The following RFX2 variants were observed in gnomAD, a reference collection of about 807,000 sequenced individuals.
RFX2 encodes regulatory factor X2.
A neutral mutation model predicts 87.8 loss-of-function variants in RFX2; 20 were observed. The ratio of observed to expected loss-of-function variants is 0.23; its 90% CI spans 0.16 to 0.33. The LOEUF (loss-of-function observed/expected upper bound fraction) is 0.33, where lower values mean the gene tolerates loss of function less well. Among genes scored for constraint, RFX2 ranks in the 10% least tolerant of loss-of-function variants. The pLI is 1.00. For synonymous variants in RFX2, 397 were observed against 431.3 expected (o/e 0.92, Z 0.98); for missense variants, 767 against 1,012.3 (o/e 0.76, Z 3.29).
intron 17 of RFX2, 134 bp from the exon 18 acceptor site, chr19:5,995,084 C>A: frequency 1.4e-6 from 1 of 693,788 alleles, no homozygotes; most frequent in Non-Finnish European, 2.5e-6. Flanking sequence ...GTGGACCCCA[C>A]CTCGGCCTCT....
At chr19:6,067,947 T>C (rs1302634909) in intron 1 of RFX2, 1 of 152,126 alleles carries the variant, frequency 6.6e-6, no homozygotes, top group African/African-American at 2.4e-5. Context: ...CCAGGAGTCA[T>C]TCCTAGAATA....
rs1345261369 is a variant in RFX2 at position 6,083,545 on chromosome 19, C to G, written c.-9+26848G>C. On this transcript the variant is annotated intron_variant, in intron 1 of 17. Transcript: ENST00000303657. The surrounding 1 kb of genome is among the most constrained non-coding windows in gnomAD (Gnocchi z 4.6). ...TAGTGTGCTAGATGTAGTCTGCTGACCCGTTTTTTTTTTTTTTAATTTTTA... is the reference window on the plus strand; with the variant it reads ...TAGTGTGCTAGATGTAGTCTGCTGAGCCGTTTTTTTTTTTTTTAATTTTTA... Among the ~76,000 whole-genome samples, 1 of 131,820 alleles carries G rather than the reference C, an allele frequency of 7.6e-6. No individual in the cohort carries two copies. The highest frequency in any genetic ancestry group is 1.6e-5 in the Non-Finnish European group (1 of 63,068). 86.5% of individuals were successfully genotyped at this position (131,820 alleles called of 152,430 possible).
rs931901461 is a variant in RFX2, at chr19:6,011,403, C to T, written c.900-1152G>A. On this transcript the variant is annotated intron_variant, in intron 8 of 17. Transcript: ENST00000303657. This position sits in a 1 kb window ranked among gnomAD's most constrained non-coding sequence, Gnocchi z 4.8. ...CGGACCTCCCTCCTCAAATACGAAG[C>T]GGGGCCAGGCCTACAGGGAGGCGGG... 5.9e-5 allele frequency among the ~76,000 whole-genome samples: 9 copies of T among 152,230 alleles called. No homozygotes were observed. Among genetic ancestry groups the T allele is most frequent in the East Asian group, 1.9e-4 (1 of 5,166 alleles).
chr19:5,996,909 C>G (rs1046941242), intron 16 of RFX2, 151 bp downstream of exon 16: 11 of 795,934 alleles, frequency 1.4e-5, no homozygotes, highest in Non-Finnish European at 2.1e-5. Flanking sequence ...GGGCCCGTTT[C>G]TGTGGCTTGT....
In RFX2 at chr19:6,098,789, C is replaced by G. The variant is rs530348274; in HGVS notation, c.-9+11604G>C. The stretch of plus-strand genomic sequence containing the variant: ...GGGGAACAAAGCTGGGGAAATAGAT[C>G]TTTAAGAAAGGGAGCCAAGGTTAGA... On this transcript the variant is annotated intron_variant, in intron 1 of 17. Transcript: ENST00000303657. 1.6e-4 allele frequency among the ~76,000 whole-genome samples: 25 copies of G among 152,160 alleles called. No homozygotes were observed. The South Asian group carries it at 5.2e-3, about 32-fold the overall frequency.
Position 6,073,282 on chromosome 19 carries a change from G to T in RFX2, c.-8-25778C>A, listed in dbSNP as rs2087635795. 18 of 924,452 alleles carry T rather than the reference G, an allele frequency of 1.9e-5. No individual in the cohort carries two copies. In the South Asian group the frequency reaches 2.3e-4, roughly 12 times the overall value. The allele number at this position is 924,452 out of a possible 1,614,324, so 57.3% of individuals were successfully genotyped here. ...GACATGAGCCACCGCGCCTGCAAGG[G>T]CCAGATCTTGATGCCCAACACTGGT... On this transcript the variant is annotated intron_variant, in intron 1 of 17. Coordinates refer to ENST00000303657, the MANE Select transcript of RFX2 (RefSeq NM_000635.4).
chr19:6,089,254 G>A (rs541658636), intron 1 of RFX2, among the ~76,000 whole-genome samples: 8 of 152,244 alleles, frequency 5.3e-5, no homozygotes, highest in East Asian at 3.9e-4. Context: ...AGAAATCTGC[G>A]TCCAGCAGGT....
intron 1 of RFX2, among the ~76,000 whole-genome samples, chr19:6,109,708 C>T (rs2088275288): frequency 6.6e-6 from 1 of 152,160 alleles, no homozygotes; most frequent in African/African-American, 2.4e-5. Context: ...AGAAGAGGGC[C>T]CCAGGTGGCC....
rs1327725924 is a variant in RFX2, at chr19:6,047,315, T to C, written c.90+92A>G. Reference sequence around the variant, plus strand: ...AGAAGTCCATTCAGAAAAATACAGATTCCTCTCTTTGCAGATCTGAGCAGC... The same window carrying C: ...AGAAGTCCATTCAGAAAAATACAGACTCCTCTCTTTGCAGATCTGAGCAGC... On this transcript the variant is annotated intron_variant, in intron 2 of 17. Transcript: ENST00000303657. This position sits in a 1 kb window ranked among gnomAD's most constrained non-coding sequence, Gnocchi z 4.2. 1.0e-6 allele frequency: 1 copy of C among 990,962 alleles called. No individual in the cohort carries two copies. The allele number at this position is 990,962 out of a possible 1,614,324, so 61.4% of individuals were successfully genotyped here. A position where few individuals can be genotyped will look rare whatever the true frequency, so the allele number is the denominator to read the frequency against.
rs1599829974 is a variant in RFX2 at position 5,994,892 on chromosome 19, A to C, written c.2115T>G (p.Gly705=). The change falls in exon 18 of 18, where the codon GGT becomes GGG. Residue 705 remains glycine (G), a synonymous_variant. Transcript: ENST00000303657. ...SEAGPDARSL[G]EPLVKRERSD... is the part of the protein sequence containing the mutation. ...TGCGCTCCCGCTTTACCAGGGGCTC[A>C]CCCAGGCTGCGGGCGTCTGGGCCCG... The C allele has an allele frequency of 6.2e-7, 1 of 1,610,360 alleles. No individual in the cohort carries two copies. Among genetic ancestry groups the C allele is most frequent in the Non-Finnish European group, 8.5e-7 (1 of 1,179,898 alleles).
intron 1 of RFX2, among the ~76,000 whole-genome samples, chr19:6,093,271 A>C (rs2087969973): frequency 6.6e-6 from 1 of 152,194 alleles, no homozygotes. Flanking sequence ...GCGGTGGTTC[A>C]TGCCTGCAGT....
intron 1 of RFX2, among the ~76,000 whole-genome samples, chr19:6,087,964 A>G (rs1225438346): frequency 6.6e-6 from 1 of 151,362 alleles, no homozygotes; most frequent in East Asian, 2.0e-4. Context: ...TTCAGAAACC[A>G]CTCCTGGCTG....
chr19:6,076,805 T>G (rs566764834), intron 1 of RFX2, among the ~76,000 whole-genome samples: 28 of 152,364 alleles, frequency 1.8e-4, no homozygotes, highest in African/African-American at 6.7e-4. Flanking sequence ...CTATTTGTGA[T>G]GTTGCTAAGC....
intron 1 of RFX2, among the ~76,000 whole-genome samples, chr19:6,093,245 A>G (rs1472072564): frequency 6.6e-6 from 1 of 152,172 alleles, no homozygotes; most frequent in African/African-American, 2.4e-5. Context: ...CTATAAATAA[A>G]TAACTAAGGC....
At chr19:6,095,283 A>G (rs1488917039) in intron 1 of RFX2, among the ~76,000 whole-genome samples, 1 of 152,220 alleles carries the variant, frequency 6.6e-6, no homozygotes, top group Admixed American at 6.5e-5. Flanking sequence ...AAGAGATTCT[A>G]TTTTACTAGA....
chr19:6,039,933 A>C lies in RFX2; in HGVS notation c.522+47T>G, dbSNP rs765856247. ...CACCATCCCTGCTGCCGCTGCTTCG[A>C]GAATACTCATGGCCTACCCTGCTGG... On this transcript the variant is annotated intron_variant, in intron 5 of 17. Coordinates refer to ENST00000303657, the MANE Select transcript of RFX2 (RefSeq NM_000635.4). This position sits in a 1 kb window ranked among gnomAD's most constrained non-coding sequence, Gnocchi z 5.2. 1.0e-5 allele frequency: 15 copies of C among 1,486,252 alleles called. No individual in the cohort carries two copies. The highest frequency in any genetic ancestry group is 1.1e-5 in the Non-Finnish European group (12 of 1,105,666). 92.1% of individuals were successfully genotyped at this position (1,486,252 alleles called of 1,614,324 possible).
intron 1 of RFX2, among the ~76,000 whole-genome samples, chr19:6,097,372 G>A (rs1265233304): frequency 6.6e-6 from 1 of 152,112 alleles, no homozygotes; most frequent in Non-Finnish European, 1.5e-5. Flanking sequence ...AAGCAACTAA[G>A]GAGAAAGGCA....
At chr19:6,098,025 C>T (rs1018917327) in intron 1 of RFX2, among the ~76,000 whole-genome samples, 1 of 152,148 alleles carries the variant, frequency 6.6e-6, no homozygotes, top group Non-Finnish European at 1.5e-5. Context: ...TTGAAAAACC[C>T]TCTTTCTTCT....
chr19:6,085,209 C>T (rs2144868511), intron 1 of RFX2, among the ~76,000 whole-genome samples: 1 of 152,346 alleles, frequency 6.6e-6, no homozygotes, highest in East Asian at 1.9e-4. Context: ...TCCAAAGCAG[C>T]TACACTATTT....
Sources: gnomAD v4.1 joint callset for allele counts (sites outside exome capture counted in the v4.1 genomes callset) on GRCh38, gnomAD v4.1.1 for gene constraint, Gnocchi (gnomAD v3.1) non-coding constraint, MANE v1.5 for transcripts, NCBI Gene and HGNC (gene_info 2026-07-23, HGNC 2026-07-21) for gene names.